WWOX: variants seen among roughly 807,000 people sequenced by gnomAD.
WWOX encodes the protein WW domain-containing oxidoreductase.
WWOX carries 69 observed loss-of-function variants against 46.2 expected under a neutral mutation model. That is an observed-to-expected ratio of 1.49 (90% CI 1.23 to 1.82). WWOX has a LOEUF of 1.82. Among genes scored for constraint, WWOX ranks in the 40% most tolerant of loss-of-function variants. The pLI, the probability that WWOX is intolerant of heterozygous loss-of-function variation, is 0.00. For synonymous variants in WWOX, 359 were observed against 202.6 expected, an observed-to-expected ratio of 1.77 and a Z score of -6.56; for missense variants, 919 against 542.6, an observed-to-expected ratio of 1.69 and a Z score of -6.89.
Position 78,132,921 on chromosome 16 carries a change from A to G in WWOX, c.409+17767A>G, listed in dbSNP as rs530609396. Among the ~76,000 whole-genome samples, 7 of 152,308 alleles carry G rather than the reference A, an allele frequency of 4.6e-5. No individual in the cohort carries two copies. In the South Asian group the frequency reaches 8.3e-4, roughly 18 times the overall value. ...TGGGGTGGCAGCTGCAAAGCACAGTATTTGAACATGAAGTAGAGAATCGTC... is the reference window on the plus strand; with the variant it reads ...TGGGGTGGCAGCTGCAAAGCACAGTGTTTGAACATGAAGTAGAGAATCGTC... On this transcript the variant is annotated intron_variant, in intron 4 of 8. Transcript: ENST00000566780.
intron 8 of WWOX, among the ~76,000 whole-genome samples, chr16:79,120,220 T>A (rs1442165185): frequency 6.6e-6 from 1 of 152,132 alleles, no homozygotes; most frequent in Non-Finnish European, 1.5e-5. Context: ...AGGGAATGTA[T>A]CTCCTGATTG....
intron 8 of WWOX, 110 bp from the exon 9 acceptor site, chr16:79,211,498 G>C (rs939229236): frequency 1.4e-6 from 2 of 1,416,808 alleles, no homozygotes; most frequent in Non-Finnish European, 9.8e-7. Flanking sequence ...AGATCCAGCT[G>C]AAACTGAACC....
At chr16:78,736,030 G>A (rs1478744814) in intron 8 of WWOX, among the ~76,000 whole-genome samples, 7 of 152,224 alleles carry the variant, frequency 4.6e-5, no homozygotes, top group Admixed American at 1.3e-4. Context: ...GTTTTGTTGA[G>A]TGGTGCAGAC....
At chr16:78,633,937 T>C (rs2046502648) in intron 8 of WWOX, among the ~76,000 whole-genome samples, 1 of 151,450 alleles carries the variant, frequency 6.6e-6, no homozygotes, top group Non-Finnish European at 1.5e-5. Context: ...CTGAGAACAG[T>C]TCCAGCTCTG....
At chr16:78,188,073 G>T (rs10492873) in intron 5 of WWOX, among the ~76,000 whole-genome samples, 5 of 152,030 alleles carry the variant, frequency 3.3e-5, no homozygotes, top group Admixed American at 6.6e-5. Context: ...CGATTAAAAG[G>T]TACTTGCTAT....
At chr16:78,182,663 A>G (rs548415362) in intron 5 of WWOX, among the ~76,000 whole-genome samples, 1 of 152,146 alleles carries the variant, frequency 6.6e-6, no homozygotes, top group African/African-American at 2.4e-5. Flanking sequence ...AAAGAAAGCA[A>G]AGGTTCTCAC....
intron 4 of WWOX, chr16:78,124,272 G>A (rs1318996208): frequency 6.6e-6 from 1 of 152,020 alleles, no homozygotes; most frequent in East Asian, 1.9e-4. Flanking sequence ...CCAGAGTAAA[G>A]ATATTTTGGT....
chr16:78,539,397 G>C (rs145751268), intron 8 of WWOX, among the ~76,000 whole-genome samples: 1,802 of 152,292 alleles, frequency 0.012, 17 homozygotes, highest in African/African-American at 0.022. Flanking sequence ...TGTAGCCTTA[G>C]AAAACATACA....
intron 8 of WWOX, among the ~76,000 whole-genome samples, chr16:78,900,216 T>C (rs74542925): frequency 0.043 from 6,600 of 152,156 alleles, 286 homozygotes; most frequent in East Asian, 0.25. Flanking sequence ...TACATTTGTT[T>C]ATGACGAGAT....
At chr16:78,282,981 G>T (rs1482254432) in intron 5 of WWOX, among the ~76,000 whole-genome samples, 1 of 151,874 alleles carries the variant, frequency 6.6e-6, no homozygotes, top group Non-Finnish European at 1.5e-5. Flanking sequence ...TCTGGAGGGT[G>T]AATTGTACAG....
chr16:78,670,519 TA>T (rs142627851), intron 8 of WWOX, among the ~76,000 whole-genome samples: 2,159 of 152,136 alleles, frequency 0.014, 27 homozygotes, highest in South Asian at 0.038. Flanking sequence ...GGTTATGGGA[TA>T]AATGGCTAGG....
chr16:78,641,627 C>T (rs1397003611), intron 8 of WWOX, among the ~76,000 whole-genome samples: 1 of 152,150 alleles, frequency 6.6e-6, no homozygotes, highest in Admixed American at 6.5e-5. Flanking sequence ...CCTGCAGATG[C>T]CCGGCTCGTG....
chr16:78,740,737 C>T (rs758336604), intron 8 of WWOX, among the ~76,000 whole-genome samples: 14 of 152,118 alleles, frequency 9.2e-5, no homozygotes, highest in Admixed American at 2.6e-4. Context: ...TTCAATTTGA[C>T]ACACCAAATG....
In WWOX at chr16:78,533,345, C is replaced by T. The variant is rs1222027685; in HGVS notation, c.1056+100593C>T. Among the ~76,000 whole-genome samples, 7 of 151,764 alleles carry T rather than the reference C, an allele frequency of 4.6e-5. No homozygotes were observed. The South Asian group carries it at 1.0e-3, about 23-fold the overall frequency. On this transcript the variant is annotated intron_variant, in intron 8 of 8. Coordinates refer to ENST00000566780, the MANE Select transcript of WWOX (RefSeq NM_016373.4). ...ATAGGGGTGTCCAAACTTTTGGCTT[C>T]CCTGGGCCACATTGGAAGAAAAAGA...
intron 8 of WWOX, among the ~76,000 whole-genome samples, chr16:78,916,852 A>T (rs1007668048): frequency 1.3e-5 from 2 of 152,216 alleles, no homozygotes; most frequent in Non-Finnish European, 2.9e-5. Context: ...TTCGATAGCA[A>T]GTAGAAGAAA....
intron 8 of WWOX, among the ~76,000 whole-genome samples, chr16:78,471,065 C>T (rs1328085840): frequency 1.3e-5 from 2 of 152,158 alleles, no homozygotes; most frequent in African/African-American, 2.4e-5. Flanking sequence ...TCCTTCCTAC[C>T]CTGGATGCTG....
chr16:78,228,445 G>T (rs1295645693), intron 5 of WWOX, among the ~76,000 whole-genome samples: 1 of 149,778 alleles, frequency 6.7e-6, no homozygotes, highest in Non-Finnish European at 1.5e-5. Flanking sequence ...GGGTTCAAGA[G>T]ATCCTCCCAC....
At chr16:78,174,812 AC>A (rs1305522683) in intron 5 of WWOX, among the ~76,000 whole-genome samples, 1 of 151,940 alleles carries the variant, frequency 6.6e-6, no homozygotes, top group Admixed American at 6.6e-5. Context: ...ATACGGTGAA[AC>A]CCCGTCTCTA....
At chr16:78,317,963 A>G (rs1300807807) in intron 5 of WWOX, among the ~76,000 whole-genome samples, 2 of 152,144 alleles carry the variant, frequency 1.3e-5, no homozygotes, top group African/African-American at 2.4e-5. Flanking sequence ...TTTGAAAGCA[A>G]AGTGGTAGTG....
Sources: gnomAD v4.1 joint callset for allele counts (sites outside exome capture counted in the v4.1 genomes callset) on GRCh38, gnomAD v4.1.1 for gene constraint, MANE v1.5 for transcripts, NCBI Gene and HGNC (gene_info 2026-07-23, HGNC 2026-07-21) for gene names.